Variants in VWCE observed in about 807,000 individuals in gnomAD.
VWCE encodes von Willebrand factor C and EGF domain-containing protein.
VWCE carries 68 observed loss-of-function variants against 102.9 expected under a neutral mutation model. The observed-to-expected ratio is 0.66, with a 90% confidence interval of 0.54 to 0.81. The LOEUF is 0.81. Ranked by LOEUF, VWCE falls within the 30% of genes least tolerant of loss-of-function variation. VWCE has a pLI of 0.00. For synonymous variants in VWCE, 497 were observed against 515.4 expected (o/e 0.96, Z 0.48); for missense variants, 1,137 against 1,263.6 (o/e 0.90, Z 1.52).
intron 13 of VWCE, 98 bp downstream of exon 13, chr11:61,273,101 C>CAA: frequency 8.1e-7 from 1 of 1,241,238 alleles, no homozygotes; most frequent in South Asian, 1.2e-5. Flanking sequence ...CACACACACA[C>CAA]AAACAGCACA....
At position 61,278,486 on chromosome 11, in the gene VWCE, A is replaced by G; in HGVS notation, c.1325-10T>C. On this transcript the variant is annotated splice_polypyrimidine_tract_variant and intron_variant, in intron 9 of 19. Coordinates refer to ENST00000335613, the MANE Select transcript of VWCE (RefSeq NM_152718.2). ...CCACTGTGAAAACAGCCTTTGAAGG[A>G]CAAATAGGAGGTAGAGGCATCAGAC... 2 of 1,614,038 alleles carry G rather than the reference A, an allele frequency of 1.2e-6. No individual in the cohort carries two copies. The highest frequency in any genetic ancestry group is 1.7e-6 in the Non-Finnish European group (2 of 1,179,922).
chr11:61,274,392 C>T, intron 12 of VWCE, 107 bp downstream of exon 12: 1 of 1,057,194 alleles, frequency 9.5e-7, no homozygotes, highest in Non-Finnish European at 1.4e-6. Flanking sequence ...TTCCCTGTTG[C>T]TGTATGACAA....
chr11:61,281,162 C>T lies in VWCE; in HGVS notation c.861G>A (p.Leu287=). The stretch of plus-strand genomic sequence containing the variant: ...GGGCAGGCCGGCCGGCCTCAGGAAG[C>T]AACAGAAGCATCTTGGACGGGTGTT... ...PRQHPSKMLL[L]LPEAGRPALS... is the part of the protein sequence containing the mutation. The change falls in exon 8 of 20, where the codon TTG becomes TTA. Residue 287 remains leucine, a synonymous_variant. Coordinates refer to ENST00000335613, the MANE Select transcript of VWCE (RefSeq NM_152718.2). The T allele has an allele frequency of 6.2e-7, 1 of 1,613,674 alleles. No individual in the cohort carries two copies. Among genetic ancestry groups the T allele is most frequent in the Non-Finnish European group, 8.5e-7 (1 of 1,180,008 alleles).
intron 12 of VWCE, 106 bp from the exon 13 acceptor site, chr11:61,273,422 C>G: frequency 9.6e-7 from 1 of 1,038,288 alleles, no homozygotes; most frequent in Non-Finnish European, 1.4e-6. Flanking sequence ...CCCGGCTACT[C>G]AAGTGAAACT....
chr11:61,274,702 A>G (rs1286597713), intron 11 of VWCE, 118 bp from the exon 12 acceptor site: 2 of 752,724 alleles, frequency 2.7e-6, no homozygotes, highest in Non-Finnish European at 4.4e-6. Flanking sequence ...AACACTCCAC[A>G]GCATGCTCCG....
intron 18 of VWCE, 66 bp downstream of exon 18, chr11:61,264,890 A>C (rs1854464526): frequency 3.2e-6 from 5 of 1,561,082 alleles, no homozygotes; most frequent in Non-Finnish European, 4.4e-6. Flanking sequence ...CATGTTTTGC[A>C]AAGGGACAAA....
rs1039927945 is a variant in VWCE at position 61,294,565 on chromosome 11, C to A, written c.110+363G>T. Among the ~76,000 whole-genome samples, 1 of 152,158 alleles carries A rather than the reference C, an allele frequency of 6.6e-6. No homozygotes were observed. Among genetic ancestry groups the A allele is most frequent in the African/African-American group, 2.4e-5 (1 of 41,448 alleles). On this transcript the variant is annotated intron_variant, in intron 1 of 19. Coordinates refer to ENST00000335613, the MANE Select transcript of VWCE (RefSeq NM_152718.2). The surrounding 1 kb of genome is among the most constrained non-coding windows in gnomAD (Gnocchi z 6.3). ...CAGGGGAGGCCAGGCGCTGCCCGGG[C>A]AGAGCCACGGGCACGCTGGGGGGTG...
Position 61,295,124 on chromosome 11 carries a change from G to A in VWCE, c.-87C>T. 5 of 807,162 alleles carry A rather than the reference G, an allele frequency of 6.2e-6. No homozygotes were observed. Among genetic ancestry groups the A allele is most frequent in the Non-Finnish European group, 8.5e-6 (5 of 591,162 alleles). 50.0% of individuals were successfully genotyped at this position (807,162 alleles called of 1,614,324 possible). On this transcript the variant is annotated 5_prime_UTR_variant, in exon 1 of 20. Coordinates refer to ENST00000335613, the MANE Select transcript of VWCE (RefSeq NM_152718.2). This position sits in a 1 kb window ranked among gnomAD's most constrained non-coding sequence, Gnocchi z 4.6. ...GCTGCCGGCCCTCGCCCCTCCTCCTGGCGCCGTGGGGAGCGAACCAGCGAT... is the reference window on the plus strand; with the variant it reads ...GCTGCCGGCCCTCGCCCCTCCTCCTAGCGCCGTGGGGAGCGAACCAGCGAT...
chr11:61,293,249 A>T (rs1469490432), intron 1 of VWCE, among the ~76,000 whole-genome samples: 1 of 147,516 alleles, frequency 6.8e-6, no homozygotes, highest in Non-Finnish European at 1.5e-5. Context: ...CTCAAAAAAA[A>T]AAAAAAAAAA....
At position 61,280,618 on chromosome 11, in the gene VWCE, T is replaced by G. The variant is rs1565225754; in HGVS notation, c.1324+6A>C. 6.2e-7 allele frequency: 1 copy of G among 1,613,798 alleles called. No homozygotes were observed. Among genetic ancestry groups the G allele is most frequent in the Non-Finnish European group, 8.5e-7 (1 of 1,179,860 alleles). On this transcript the variant is annotated splice_donor_region_variant and intron_variant, in intron 9 of 19. Coordinates refer to ENST00000335613, the MANE Select transcript of VWCE (RefSeq NM_152718.2). ...GACTATGTCCTTCCCTGGCACCAGCTCTCACCTGTGCACGATGGGCAGCAC... is the reference window on the plus strand; with the variant it reads ...GACTATGTCCTTCCCTGGCACCAGCGCTCACCTGTGCACGATGGGCAGCAC...
chr11:61,263,179 C>T (rs1013579135), intron 19 of VWCE, among the ~76,000 whole-genome samples: 11 of 151,906 alleles, frequency 7.2e-5, no homozygotes, highest in Admixed American at 2.0e-4. Context: ...TGGTGGTGTG[C>T]GCCTATAATC....
At chr11:61,292,892 G>A (rs1855550996) in intron 1 of VWCE, among the ~76,000 whole-genome samples, 1 of 152,022 alleles carries the variant, frequency 6.6e-6, no homozygotes, top group Non-Finnish European at 1.5e-5. Flanking sequence ...CAGATAACTT[G>A]AGGTCAGGAG....
In VWCE at chr11:61,290,839, G is replaced by A. The variant is rs911809092; in HGVS notation, c.384C>T (p.Gly128=). Reference sequence around the variant, plus strand: ...CAACAGCTGTCTCCGTCATCGAGAAGCCCACGGGGCACACTCGGGCCACCT... The same window carrying A: ...CAACAGCTGTCTCCGTCATCGAGAAACCCACGGGGCACACTCGGGCCACCT... ...CQEVARVCPV[G]FSMTETAVGI... The change falls in exon 4 of 20, where the codon GGC becomes GGT. Residue 128 remains glycine (G), a synonymous_variant. Coordinates refer to ENST00000335613, the MANE Select transcript of VWCE (RefSeq NM_152718.2). The A allele has an allele frequency of 5.0e-6, 8 of 1,612,378 alleles. No homozygotes were observed. The highest frequency in any genetic ancestry group is 6.8e-6 in the Non-Finnish European group (8 of 1,179,622).
chr11:61,258,687 C>A lies in VWCE; in HGVS notation c.2856G>T (p.Glu952Asp), dbSNP rs1347567802. The A allele has an allele frequency of 5.7e-6, 8 of 1,394,548 alleles. No homozygotes were observed. Among genetic ancestry groups the A allele is most frequent in the Non-Finnish European group, 7.5e-6 (8 of 1,071,328 alleles). 86.4% of individuals were successfully genotyped at this position (1,394,548 alleles called of 1,614,324 possible). ...QPPVGASRGE[E>D]STM ...CACAGTGACCTCCTTACATGGTGGA[C>A]TCTTCCCCCCGAGAAGCCCCCACTG... Residue 952 changes from glutamate (E) to aspartate (D), a missense_variant, in exon 20 of 20, where the codon GAG (glutamate) becomes GAT (aspartate). Physicochemically the swap from Glu to Asp is conservative, Grantham distance 45. Transcript: ENST00000335613.
rs1055162996 is a variant in VWCE at position 61,269,002 on chromosome 11, C to T, written c.1802G>A (p.Ser601Asn). 8.1e-6 allele frequency: 13 copies of T among 1,614,090 alleles called. No individual in the cohort carries two copies. The highest frequency in any genetic ancestry group is 1.7e-5 in the Admixed American group (1 of 60,024). Reference sequence around the variant, plus strand: ...GTCCACACAGTCTGTCCTCTTGCAGCTCACCGAGCCATCTGCCTGGAGGAA... The same window carrying T: ...GTCCACACAGTCTGTCCTCTTGCAGTTCACCGAGCCATCTGCCTGGAGGAA... ...LCICQADGSV[S>N]CKRTDCVDSC... Residue 601 changes from serine (S) to asparagine (N), a missense_variant, in exon 15 of 20, where the codon AGC (serine) becomes AAC (asparagine). Physicochemically the swap from Ser to Asn is conservative, Grantham distance 46. This residue lies in a region of VWCE where 212 missense variants were observed against 235.1 expected (regional missense o/e 0.90). Transcript: ENST00000335613.
intron 1 of VWCE, among the ~76,000 whole-genome samples, chr11:61,293,366 G>A (rs190345782): frequency 0.017 from 2,509 of 147,928 alleles, 78 homozygotes; most frequent in African/African-American, 0.059. Context: ...GCAGTGAGCC[G>A]AGATCGCACC....
At chr11:61,292,984 G>C (rs1284608453) in intron 1 of VWCE, among the ~76,000 whole-genome samples, 1 of 151,984 alleles carries the variant, frequency 6.6e-6, no homozygotes, top group East Asian at 1.9e-4. Flanking sequence ...GCTCACGCTT[G>C]TAATCCCAGC....
intron 15 of VWCE, among the ~76,000 whole-genome samples, chr11:61,268,076 A>G (rs1854564859): frequency 6.6e-6 from 1 of 151,518 alleles, no homozygotes; most frequent in African/African-American, 2.4e-5. Context: ...GAAGCTTTAA[A>G]AAAATAAAAT....
At chr11:61,272,595 C>T (rs1305741434) in intron 13 of VWCE, among the ~76,000 whole-genome samples, 1 of 152,090 alleles carries the variant, frequency 6.6e-6, no homozygotes, top group East Asian at 1.9e-4. Flanking sequence ...AACACACACA[C>T]ACAGGCACAT....
Sources: gnomAD v4.1 joint callset for allele counts (sites outside exome capture counted in the v4.1 genomes callset) on GRCh38, gnomAD v4.1.1 for gene constraint, gnomAD v4.1.1 regional missense constraint, Gnocchi (gnomAD v3.1) non-coding constraint, MANE v1.5 for transcripts, NCBI Gene and HGNC (gene_info 2026-07-23, HGNC 2026-07-21) for gene names.